VAV1: variants seen among roughly 807,000 people sequenced by gnomAD.
VAV1 encodes proto-oncogene vav.
VAV1 carries 33 observed loss-of-function variants against 128.1 expected under a neutral mutation model. The ratio of observed to expected loss-of-function variants is 0.26; its 90% confidence interval spans 0.20 to 0.34. The LOEUF is 0.34. Ranked by LOEUF, VAV1 falls within the 10% of genes least tolerant of loss-of-function variation. The pLI is 1.00. For synonymous variants in VAV1, 394 were observed against 409.8 expected, an observed-to-expected ratio of 0.96 and a Z score of 0.47; for missense variants, 715 against 1,093.7, an observed-to-expected ratio of 0.65 and a Z score of 4.88.
At chr19:6,812,353 A>C (rs426815) in intron 1 of VAV1, among the ~76,000 whole-genome samples, 16,038 of 152,072 alleles carry the variant, frequency 0.11, 1,587 homozygotes, top group African/African-American at 0.26. Flanking sequence ...TATCTGAGGT[A>C]TTTTCCAGTT....
At chr19:6,775,990 A>T (rs147708649) in intron 1 of VAV1, among the ~76,000 whole-genome samples, 15 of 152,008 alleles carry the variant, frequency 9.9e-5, no homozygotes, top group African/African-American at 3.6e-4. Context: ...GAACATATTC[A>T]TCCATCCGTT....
intron 23 of VAV1, among the ~76,000 whole-genome samples, chr19:6,850,036 A>C (rs1665099388): frequency 6.6e-6 from 1 of 151,848 alleles, no homozygotes; most frequent in Non-Finnish European, 1.5e-5. Context: ...TGGCTGAACC[A>C]ATTTACAGTC....
chr19:6,781,854 C>T (rs1033195752), intron 1 of VAV1, among the ~76,000 whole-genome samples: 8 of 152,108 alleles, frequency 5.3e-5, no homozygotes, highest in Non-Finnish European at 1.0e-4. Flanking sequence ...GTGATCCACC[C>T]GTCTTGGCCT....
intron 1 of VAV1, among the ~76,000 whole-genome samples, chr19:6,810,520 A>T (rs1006586684): frequency 2.6e-5 from 4 of 151,750 alleles, no homozygotes; most frequent in African/African-American, 9.7e-5. Context: ...CCTGGCCTAC[A>T]TGGTGAAACC....
chr19:6,774,427 CTTTTTTTTT>C (rs1002823385), intron 1 of VAV1, among the ~76,000 whole-genome samples: 1,596 of 91,570 alleles, frequency 0.017, 21 homozygotes, highest in Middle Eastern at 0.045. Context: ...CGCGCCCAGC[CTTTTTTTTT>C]TTTTTTTTTT....
At chr19:6,810,827 G>C (rs367673889) in intron 1 of VAV1, among the ~76,000 whole-genome samples, 1 of 152,152 alleles carries the variant, frequency 6.6e-6, no homozygotes, top group South Asian at 2.1e-4. Context: ...AGGCTGGAGG[G>C]AGAGCAAGTT....
intron 1 of VAV1, among the ~76,000 whole-genome samples, chr19:6,798,217 C>T (rs1971184142): frequency 6.6e-6 from 1 of 151,930 alleles, no homozygotes; most frequent in Admixed American, 6.6e-5. Context: ...GCGGAGGTTG[C>T]AGTGAGCGGA....
intron 1 of VAV1, among the ~76,000 whole-genome samples, chr19:6,808,991 C>G (rs1318835027): frequency 6.6e-6 from 1 of 151,940 alleles, no homozygotes; most frequent in African/African-American, 2.4e-5. Flanking sequence ...AAGAAAGCAA[C>G]AGGAGAAGTT....
chr19:6,850,394 G>A (rs936138664), intron 23 of VAV1, among the ~76,000 whole-genome samples: 1 of 149,626 alleles, frequency 6.7e-6, no homozygotes, highest in Non-Finnish European at 1.5e-5. Context: ...AGGTCTCTTC[G>A]TATCCATTCT....
At position 6,820,874 on chromosome 19, in the gene VAV1, C is replaced by T; in HGVS notation, c.321+56C>T. On this transcript the variant is annotated intron_variant, in intron 2 of 26. Coordinates refer to ENST00000602142, the MANE Select transcript of VAV1 (RefSeq NM_005428.4). This position sits in a 1 kb window ranked among gnomAD's most constrained non-coding sequence, Gnocchi z 4.4. ...AGTTTCAGTTAATTTCTATTGACGTCTACACTGGGCAAGCTAAGGACTGTC... is the reference window on the plus strand; with the variant it reads ...AGTTTCAGTTAATTTCTATTGACGTTTACACTGGGCAAGCTAAGGACTGTC... The T allele has an allele frequency of 6.5e-7, 1 of 1,526,782 alleles. No individual in the cohort carries two copies. The highest frequency in any genetic ancestry group is 1.1e-5 in the South Asian group (1 of 89,052). 94.6% of individuals were successfully genotyped at this position (1,526,782 alleles called of 1,614,324 possible).
At chr19:6,825,494 C>A in intron 8 of VAV1, 88 bp downstream of exon 8, 2 of 1,167,484 alleles carry the variant, frequency 1.7e-6, no homozygotes, top group Non-Finnish European at 2.5e-6. Context: ...TCAGACACCA[C>A]TGGACGGGGA....
intron 1 of VAV1, among the ~76,000 whole-genome samples, chr19:6,819,690 G>C (rs73484429): frequency 0.045 from 6,910 of 152,236 alleles, 222 homozygotes; most frequent in African/African-American, 0.081. Flanking sequence ...TCTTGGTCCA[G>C]ACTGACTTCA....
chr19:6,790,899 C>T (rs1555698738), intron 1 of VAV1, among the ~76,000 whole-genome samples: 2 of 152,220 alleles, frequency 1.3e-5, no homozygotes, highest in Non-Finnish European at 2.9e-5. Flanking sequence ...GGTAAACTGA[C>T]ATAGCACTGG....
Position 6,853,013 on chromosome 19 carries a change from T to G in VAV1, c.2266T>G (p.Ser756Ala). 1 of 1,611,754 alleles carries G rather than the reference T, an allele frequency of 6.2e-7. No individual in the cohort carries two copies. The highest frequency in any genetic ancestry group is 8.5e-7 in the Non-Finnish European group (1 of 1,178,528). Reference sequence around the variant, plus strand: ...GAACTCTCTAAAGGATTGCTTCAAGTCTCTGGACACCACCTTGCAGTTCCC... The same window carrying G: ...GAACTCTCTAAAGGATTGCTTCAAGGCTCTGGACACCACCTTGCAGTTCCC... ...QQNSLKDCFK[S>A]LDTTLQFPFK... The change falls in exon 25 of 27, where the codon TCT becomes GCT. Residue 756 changes from serine (S) to alanine (A), a missense_variant. Around this residue, in one of 3 missense-constraint regions of VAV1, gnomAD observed 407 missense variants for 580.6 expected, o/e 0.70. Transcript: ENST00000602142.
chr19:6,807,989 CAAAAAA>C (rs980612666), intron 1 of VAV1, among the ~76,000 whole-genome samples: 3 of 52,296 alleles, frequency 5.7e-5, no homozygotes, highest in African/African-American at 2.0e-4. Flanking sequence ...GACTCTGTCT[CAAAAAA>C]AAAAAAAAAA....
At chr19:6,817,206 C>A (rs1019877208) in intron 1 of VAV1, among the ~76,000 whole-genome samples, 1 of 151,674 alleles carries the variant, frequency 6.6e-6, no homozygotes, top group Non-Finnish European at 1.5e-5. Context: ...CGCCACCATG[C>A]CTGGCTAATT....
At chr19:6,811,689 G>A (rs774612756) in intron 1 of VAV1, among the ~76,000 whole-genome samples, 32 of 152,068 alleles carry the variant, frequency 2.1e-4, no homozygotes, top group Admixed American at 1.2e-3. Flanking sequence ...TGTAAGAATC[G>A]GCAAGAGAAG....
chr19:6,792,767 C>G (rs967240191), intron 1 of VAV1, among the ~76,000 whole-genome samples: 1 of 151,980 alleles, frequency 6.6e-6, no homozygotes, highest in Non-Finnish European at 1.5e-5. Flanking sequence ...AGGGGAGTGA[C>G]TCTGTCCTCC....
chr19:6,854,042 A>C lies in VAV1; in HGVS notation c.2428A>C (p.Lys810Gln), dbSNP rs1972731477. The change falls in exon 26 of 27, where the codon AAG becomes CAG. Residue 810 changes from lysine to glutamine, a missense_variant. This residue lies in a region of VAV1 where 407 missense variants were observed against 580.6 expected (regional missense o/e 0.70). Coordinates refer to ENST00000602142, the MANE Select transcript of VAV1 (RefSeq NM_005428.4). ...GTCGCTCAAGGAGGGTGACATCATC[A>C]AGATCCTTAACAAGAAGGGACAGCA... ...ELSLKEGDII[K>Q]ILNKKGQQGW... 1 of 1,613,816 alleles carries C rather than the reference A, an allele frequency of 6.2e-7. No homozygotes were observed. Among genetic ancestry groups the C allele is most frequent in the Non-Finnish European group, 8.5e-7 (1 of 1,180,034 alleles).
Sources: allele counts gnomAD v4.1 joint callset (sites outside exome capture counted in the v4.1 genomes callset), GRCh38; gene constraint gnomAD v4.1.1; regional missense constraint gnomAD v4.1.1; non-coding constraint Gnocchi (gnomAD v3.1); transcripts MANE v1.5; gene names NCBI Gene and HGNC (gene_info 2026-07-23, HGNC 2026-07-21).